C20orf203: variants seen among roughly 807,000 people sequenced by gnomAD.
C20orf203 encodes the protein chromosome 20 open reading frame 203.
A neutral mutation model predicts 15.9 loss-of-function variants in C20orf203; 16 were observed. The ratio of observed to expected loss-of-function variants is 1.01; its 90% confidence interval spans 0.68 to 1.53. The LOEUF is 1.53. C20orf203 is among the 40% of genes most tolerant of loss of function. The probability of loss-of-function intolerance (pLI) is 0.00; values close to 1 mark genes in which losing one functional copy is unlikely to be tolerated. For synonymous variants in C20orf203, 98 were observed against 97.2 expected, an observed-to-expected ratio of 1.01 and a Z score of -0.05; for missense variants, 263 against 247.5, an observed-to-expected ratio of 1.06 and a Z score of -0.42.
intron 4 of C20orf203, among the ~76,000 whole-genome samples, chr20:32,646,426 G>A (rs907973146): frequency 2.0e-5 from 3 of 151,950 alleles, no homozygotes; most frequent in Non-Finnish European, 4.4e-5. Flanking sequence ...GGCTGGTCTC[G>A]AACTCCTGGC....
intron 2 of C20orf203, 70 bp from the exon 3 acceptor site, chr20:32,651,236 A>G (rs1377525960): frequency 2.2e-6 from 1 of 455,104 alleles, no homozygotes; most frequent in Non-Finnish European, 3.9e-6. Context: ...TCAGCTACTC[A>G]TGGGGTAGCT....
chr20:32,643,625 CCACACACACACACACA>C lies in C20orf203; in HGVS notation c.*1178-2954_*1178-2939del, dbSNP rs56325748. On this transcript the variant is annotated intron_variant, in intron 4 of 5. Coordinates refer to ENST00000608990, the MANE Select transcript of C20orf203 (RefSeq NM_182584.4). Reference sequence around the variant, plus strand: ...GTGTAGACCCAGCCGCTTCCTGGAACCACACACACACACACACACACACACACACACACACACACAC... The same window carrying C: ...GTGTAGACCCAGCCGCTTCCTGGAACCACACACACACACACACACACACAC... Among the ~76,000 whole-genome samples, 860 of 140,844 alleles carry C rather than the reference CCACACACACACACACA, an allele frequency of 6.1e-3. 7 individuals are homozygous for C. Among genetic ancestry groups the C allele is most frequent in the African/African-American group, 0.021 (778 of 37,424 alleles). The allele number at this position is 140,844 out of a possible 152,430, so 92.4% of individuals were successfully genotyped here. A position where few individuals can be genotyped will look rare whatever the true frequency, so the allele number is the denominator to read the frequency against.
intron 1 of C20orf203, among the ~76,000 whole-genome samples, chr20:32,667,393 T>C (rs1983061844): frequency 6.6e-6 from 1 of 152,208 alleles, no homozygotes. Flanking sequence ...GCTGCGTTGA[T>C]GACAGCCACA....
rs539810164 is a variant in C20orf203, at chr20:32,639,424, C to A, written c.*1299+1142G>T. ...ACCTGGAAACGAACCCCAGTTCCAC[C>A]CTGCAAATCACTGCACCTCCCTGAG... is the stretch of plus-strand genomic sequence containing the variant. On this transcript the variant is annotated intron_variant, in intron 5 of 5. Coordinates refer to ENST00000608990, the MANE Select transcript of C20orf203 (RefSeq NM_182584.4). Among the ~76,000 whole-genome samples, 280 of 152,222 alleles carry A rather than the reference C, an allele frequency of 1.8e-3. 1 individual carries two copies. The highest frequency in any genetic ancestry group is 3.1e-3 in the Non-Finnish European group (209 of 68,006).
rs547606490 is a variant in C20orf203 at position 32,672,056 on chromosome 20, C to G, written c.-264+1576G>C. Among the ~76,000 whole-genome samples, 17 of 152,180 alleles carry G rather than the reference C, an allele frequency of 1.1e-4. No homozygotes were observed. In the East Asian group the frequency reaches 3.3e-3, roughly 29 times the overall value. ...AGAGGAGCCGGGGCAGTGGCTCACG[C>G]CTGTAATCCCAGCACTCCGGGAGGC... On this transcript the variant is annotated intron_variant, in intron 1 of 5. Coordinates refer to ENST00000608990, the MANE Select transcript of C20orf203 (RefSeq NM_182584.4).
intron 1 of C20orf203, among the ~76,000 whole-genome samples, chr20:32,653,729 A>G (rs1160253909): frequency 1.3e-5 from 2 of 152,228 alleles, no homozygotes; most frequent in East Asian, 3.8e-4. Context: ...AATGGCAAGA[A>G]AATAAAGTCA....
intron 4 of C20orf203, among the ~76,000 whole-genome samples, chr20:32,644,420 C>T (rs1037811979): frequency 6.6e-6 from 1 of 152,132 alleles, no homozygotes; most frequent in Non-Finnish European, 1.5e-5. Flanking sequence ...TGCACTCCAG[C>T]CTGGGCGACA....
At chr20:32,666,800 TATA>T (rs1568756022) in intron 1 of C20orf203, among the ~76,000 whole-genome samples, 10 of 85,332 alleles carry the variant, frequency 1.2e-4, no homozygotes, top group East Asian at 9.4e-4. Flanking sequence ...TTTTAATTTA[TATA>T]TATATATATA....
intron 1 of C20orf203, among the ~76,000 whole-genome samples, chr20:32,659,886 T>A (rs1232758165): frequency 6.6e-6 from 1 of 152,210 alleles, no homozygotes; most frequent in Non-Finnish European, 1.5e-5. Flanking sequence ...TAGCAATAAT[T>A]ATTATGACAT....
intron 1 of C20orf203, among the ~76,000 whole-genome samples, chr20:32,667,069 T>C (rs1359023115): frequency 6.6e-6 from 1 of 151,934 alleles, no homozygotes; most frequent in Non-Finnish European, 1.5e-5. Flanking sequence ...ATCTGGTGTG[T>C]ATTTTATAGA....
chr20:32,645,829 A>T (rs905635280), intron 4 of C20orf203, among the ~76,000 whole-genome samples: 6 of 152,148 alleles, frequency 3.9e-5, no homozygotes, highest in Non-Finnish European at 8.8e-5. Flanking sequence ...CCTGGGTCTG[A>T]CTCACTCCAG....
intron 4 of C20orf203, among the ~76,000 whole-genome samples, chr20:32,647,803 C>G (rs1270274878): frequency 6.6e-6 from 1 of 152,186 alleles, no homozygotes; most frequent in Non-Finnish European, 1.5e-5. Flanking sequence ...GGGAATTGCT[C>G]AGGGTCAGGT....
chr20:32,642,066 C>T (rs1273765420), intron 4 of C20orf203, among the ~76,000 whole-genome samples: 2 of 152,178 alleles, frequency 1.3e-5, no homozygotes, highest in East Asian at 3.8e-4. Context: ...GTCTCAAACT[C>T]CTGGACTCAA....
At position 32,650,797 on chromosome 20, in the gene C20orf203, C is replaced by A. The variant is rs754029987; in HGVS notation, c.220G>T (p.Val74Phe). Residue 74 changes from valine (V) to phenylalanine (F), a missense_variant, in exon 4 of 6, where the codon GTC becomes TTC. By Grantham distance (50) the Val-to-Phe change is conservative (BLOSUM62 -1). Transcript: ENST00000608990. ...CGCTGGTGGCTGGGCTGGGGGTGGA[C>A]TCGCTGAGCCTTTGAGGTCCTCCTT... Reference protein sequence around the residue: ...AGRRTSKAQRVHPQPSHQRQP... With the variant: ...AGRRTSKAQRFHPQPSHQRQP... The A allele has an allele frequency of 8.7e-6, 13 of 1,497,758 alleles. No individual in the cohort carries two copies. Among genetic ancestry groups the A allele is most frequent in the Non-Finnish European group, 1.2e-5 (13 of 1,121,534 alleles). 92.8% of individuals were successfully genotyped at this position (1,497,758 alleles called of 1,614,324 possible).
At chr20:32,637,759 C>T (rs1163231588) in intron 5 of C20orf203, among the ~76,000 whole-genome samples, 1 of 152,180 alleles carries the variant, frequency 6.6e-6, no homozygotes, top group Admixed American at 6.5e-5. Context: ...ATGAATGAAT[C>T]CTTGCTTTCC....
chr20:32,643,082 C>T (rs1420211127), intron 4 of C20orf203, among the ~76,000 whole-genome samples: 4 of 152,152 alleles, frequency 2.6e-5, no homozygotes, highest in South Asian at 4.2e-4. Flanking sequence ...GACCAGCCGC[C>T]GCATGAAGGT....
At chr20:32,661,345 A>C (rs545945316) in intron 1 of C20orf203, among the ~76,000 whole-genome samples, 1 of 152,328 alleles carries the variant, frequency 6.6e-6, no homozygotes, top group African/African-American at 2.4e-5. Context: ...ATGGGCAGAC[A>C]TCACTTGACT....
chr20:32,651,682 A>T (rs1226429455), intron 2 of C20orf203, 51 bp downstream of exon 2: 1 of 152,418 alleles, frequency 6.6e-6, no homozygotes, highest in East Asian at 1.9e-4. Context: ...GCCATCTGAA[A>T]GGTCTGGGGA....
At chr20:32,661,583 A>G (rs1036112994) in intron 1 of C20orf203, among the ~76,000 whole-genome samples, 1 of 151,886 alleles carries the variant, frequency 6.6e-6, no homozygotes, top group Admixed American at 6.6e-5. Context: ...TTCTCCATGA[A>G]TCTTCCTTGG....
Sources: gnomAD v4.1 joint callset for allele counts (sites outside exome capture counted in the v4.1 genomes callset) on GRCh38, gnomAD v4.1.1 for gene constraint, MANE v1.5 for transcripts, NCBI Gene and HGNC (gene_info 2026-07-23, HGNC 2026-07-21) for gene names.